CDYL2: variants seen among roughly 807,000 people sequenced by gnomAD.
CDYL2 encodes chromodomain Y-like protein 2.
A neutral mutation model predicts 49.4 loss-of-function variants in CDYL2; 23 were observed. The observed-to-expected ratio is 0.47, with a 90% CI of 0.34 to 0.66. CDYL2 has a LOEUF of 0.66. Among genes scored for constraint, CDYL2 ranks in the 30% least tolerant of loss-of-function variants. The pLI, the probability that CDYL2 is intolerant of heterozygous loss-of-function variation, is 0.01. For synonymous variants in CDYL2, 360 were observed against 268.8 expected, an observed-to-expected ratio of 1.34 and a Z score of -3.32; for missense variants, 678 against 656.4, an observed-to-expected ratio of 1.03 and a Z score of -0.36.
chr16:80,691,243 G>A (rs188276074), intron 1 of CDYL2, among the ~76,000 whole-genome samples: 12 of 152,272 alleles, frequency 7.9e-5, no homozygotes, highest in Admixed American at 6.5e-4. Context: ...GGGGCGGAAG[G>A]GCGAAGGCAC....
chr16:80,681,786 A>G (rs935213048), intron 2 of CDYL2, among the ~76,000 whole-genome samples: 5 of 152,214 alleles, frequency 3.3e-5, no homozygotes, highest in African/African-American at 9.6e-5. Flanking sequence ...GCATGGGGCC[A>G]GAGGCCGGCA....
intron 6 of CDYL2, among the ~76,000 whole-genome samples, chr16:80,604,781 C>T (rs946838300): frequency 6.6e-5 from 10 of 152,168 alleles, no homozygotes; most frequent in Admixed American, 5.9e-4. Context: ...CCCATGTCAC[C>T]CCAGACCACT....
At chr16:80,709,925 G>C (rs543839313) in intron 1 of CDYL2, among the ~76,000 whole-genome samples, 2 of 146,980 alleles carry the variant, frequency 1.4e-5, no homozygotes, top group Non-Finnish European at 3.0e-5. Flanking sequence ...TGGACAGCAG[G>C]CTGATTTTTT....
chr16:80,709,904 T>C (rs1489361651), intron 1 of CDYL2, among the ~76,000 whole-genome samples: 1 of 152,012 alleles, frequency 6.6e-6, no homozygotes, highest in African/African-American at 2.4e-5. Flanking sequence ...TATTTTTTAA[T>C]TACATGATTA....
intron 4 of CDYL2, among the ~76,000 whole-genome samples, chr16:80,620,329 C>T (rs1907022761): frequency 6.6e-6 from 1 of 152,214 alleles, no homozygotes. Flanking sequence ...CTCCATCAAC[C>T]TCCCCACTGC....
At chr16:80,782,704 A>G (rs1177403098) in intron 1 of CDYL2, among the ~76,000 whole-genome samples, 1 of 152,082 alleles carries the variant, frequency 6.6e-6, no homozygotes, top group African/African-American at 2.4e-5. Context: ...ATGAAAATCA[A>G]TAAATGTAAT....
At chr16:80,676,319 G>C (rs78958806) in intron 2 of CDYL2, among the ~76,000 whole-genome samples, 33 of 152,330 alleles carry the variant, frequency 2.2e-4, no homozygotes, top group Non-Finnish European at 4.4e-4. Flanking sequence ...AAAGGTTAGT[G>C]AAAGTGTGTT....
At position 80,633,090 on chromosome 16, in the gene CDYL2, G is replaced by T. The variant is rs369631694; in HGVS notation, c.763C>A (p.Arg255=). The T allele has an allele frequency of 6.8e-6, 11 of 1,614,012 alleles. No individual in the cohort carries two copies. The African/African-American group carries it at 1.3e-4, about 20-fold the overall frequency. ...SNCRFRDIVV[R]KEEGFTHILL... ...ATGTGCGTGAACCCTTCTTCCTTCC[G>T]CACAACGATGTCTCGAAACCGACAG... The change falls in exon 3 of 7, where the codon CGG becomes AGG. Residue 255 remains arginine (R), a synonymous_variant. Transcript: ENST00000570137.
At chr16:80,639,047 A>C (rs1907964515) in intron 2 of CDYL2, among the ~76,000 whole-genome samples, 1 of 152,270 alleles carries the variant, frequency 6.6e-6, no homozygotes, top group African/African-American at 2.4e-5. Context: ...AAAAGATCTG[A>C]AGAGACACCT....
intron 6 of CDYL2, among the ~76,000 whole-genome samples, chr16:80,606,023 G>C (rs546846079): frequency 5.3e-5 from 8 of 152,358 alleles, no homozygotes; most frequent in Admixed American, 5.2e-4. Context: ...ACAGCCAGAA[G>C]TGAGGCCTTC....
At chr16:80,674,595 C>G (rs1354273051) in intron 2 of CDYL2, among the ~76,000 whole-genome samples, 1 of 152,164 alleles carries the variant, frequency 6.6e-6, no homozygotes, top group African/African-American at 2.4e-5. Context: ...AAATGCCGTA[C>G]CCATTAGCAG....
At chr16:80,682,615 C>A (rs1262037845) in intron 2 of CDYL2, among the ~76,000 whole-genome samples, 2 of 152,216 alleles carry the variant, frequency 1.3e-5, no homozygotes, top group East Asian at 3.9e-4. Context: ...ATGCTTTACT[C>A]TTGGGATTGC....
chr16:80,652,002 T>C (rs1038622614), intron 2 of CDYL2, among the ~76,000 whole-genome samples: 10 of 152,188 alleles, frequency 6.6e-5, no homozygotes, highest in Non-Finnish European at 1.0e-4. Flanking sequence ...AACTCATTTT[T>C]AGTTTGATGC....
At chr16:80,780,921 A>C (rs1173300368) in intron 1 of CDYL2, among the ~76,000 whole-genome samples, 1 of 152,158 alleles carries the variant, frequency 6.6e-6, no homozygotes, top group Non-Finnish European at 1.5e-5. Context: ...ATCAAGAGGT[A>C]TTTGTTCAAA....
At chr16:80,687,461 TATAA>T (rs1396106540) in intron 1 of CDYL2, among the ~76,000 whole-genome samples, 2 of 151,538 alleles carry the variant, frequency 1.3e-5, no homozygotes, top group African/African-American at 4.9e-5. Context: ...TGACTAGATG[TATAA>T]ATAAATGAAT....
At chr16:80,715,639 T>A (rs1026934272) in intron 1 of CDYL2, among the ~76,000 whole-genome samples, 2 of 152,284 alleles carry the variant, frequency 1.3e-5, no homozygotes, top group African/African-American at 4.8e-5. Flanking sequence ...AATGAAAATC[T>A]GATTGTGTCC....
At chr16:80,685,501 C>T (rs1910155362) in intron 1 of CDYL2, among the ~76,000 whole-genome samples, 1 of 152,172 alleles carries the variant, frequency 6.6e-6, no homozygotes, top group African/African-American at 2.4e-5. Context: ...TATTAAAGAC[C>T]AATTTGGTGT....
chr16:80,633,844 T>C (rs77172654), intron 2 of CDYL2, among the ~76,000 whole-genome samples: 1 of 152,308 alleles, frequency 6.6e-6, no homozygotes, highest in Non-Finnish European at 1.5e-5. Context: ...CTGTTTCACA[T>C]ATTAACATTC....
At chr16:80,611,185 G>C (rs778834725) in intron 5 of CDYL2, among the ~76,000 whole-genome samples, 3 of 152,192 alleles carry the variant, frequency 2.0e-5, no homozygotes, top group Non-Finnish European at 4.4e-5. Context: ...AGAGAGCTGG[G>C]GAATAGAAGG....
Sources: gnomAD v4.1 joint callset for allele counts (sites outside exome capture counted in the v4.1 genomes callset) on GRCh38, gnomAD v4.1.1 for gene constraint, MANE v1.5 for transcripts, NCBI Gene and HGNC (gene_info 2026-07-23, HGNC 2026-07-21) for gene names.